KCNIP1: variants seen among roughly 807,000 people sequenced by gnomAD.
The protein encoded by KCNIP1 is potassium voltage-gated channel interacting protein 1, also known as A-type potassium channel modulatory protein KCNIP1.
KCNIP1 carries 18 observed loss-of-function variants against 33.0 expected under a neutral mutation model. The ratio of observed to expected loss-of-function variants is 0.55; its 90% confidence interval spans 0.38 to 0.81. The LOEUF (loss-of-function observed/expected upper bound fraction) is 0.81. KCNIP1 is among the 30% of genes least tolerant of loss of function. The pLI is 0.00. For missense variants in KCNIP1, 238 were observed against 271.6 expected, an observed-to-expected ratio of 0.88 and a Z score of 0.87; for synonymous variants, 93 against 98.3, an observed-to-expected ratio of 0.95 and a Z score of 0.32.
At chr5:170,721,416 G>C (rs1284994275) in intron 3 of KCNIP1, among the ~76,000 whole-genome samples, 1 of 152,212 alleles carries the variant, frequency 6.6e-6, no homozygotes, top group African/African-American at 2.4e-5. Context: ...GAAGCTCAGA[G>C]AGGTCGTGCT....
At chr5:170,634,333 G>A (rs1400972242) in intron 1 of KCNIP1, among the ~76,000 whole-genome samples, 5 of 152,142 alleles carry the variant, frequency 3.3e-5, no homozygotes, top group Non-Finnish European at 5.9e-5. Context: ...TTGTTAAACC[G>A]GATGGATGGG....
intron 1 of KCNIP1, among the ~76,000 whole-genome samples, chr5:170,429,500 G>A (rs1224601405): frequency 6.6e-6 from 1 of 152,038 alleles, no homozygotes; most frequent in Non-Finnish European, 1.5e-5. Context: ...GGGGACATCT[G>A]CAGTTTTGTC....
At chr5:170,641,849 T>C (rs778261184) in intron 1 of KCNIP1, among the ~76,000 whole-genome samples, 1 of 152,162 alleles carries the variant, frequency 6.6e-6, no homozygotes, top group Non-Finnish European at 1.5e-5. Context: ...TGCAGGGAGC[T>C]TCCCGGGACC....
chr5:170,625,729 T>A (rs764403822), intron 1 of KCNIP1, among the ~76,000 whole-genome samples: 129 of 152,206 alleles, frequency 8.5e-4, no homozygotes, highest in Admixed American at 2.0e-3. Context: ...CAAGCTTTAG[T>A]CAAAACCCAG....
At chr5:170,691,455 T>C (rs183396773) in intron 1 of KCNIP1, among the ~76,000 whole-genome samples, 22 of 152,352 alleles carry the variant, frequency 1.4e-4, no homozygotes, top group African/African-American at 5.3e-4. Flanking sequence ...TGCTGACTAA[T>C]GACTTTGGGC....
chr5:170,625,041 G>C (rs1759769459), intron 1 of KCNIP1, among the ~76,000 whole-genome samples: 1 of 152,024 alleles, frequency 6.6e-6, no homozygotes, highest in Non-Finnish European at 1.5e-5. Flanking sequence ...ATGCCCTCGT[G>C]AGCTGAGTTT....
intron 1 of KCNIP1, among the ~76,000 whole-genome samples, chr5:170,622,926 G>A (rs10070945): frequency 0.012 from 1,838 of 152,314 alleles, 42 homozygotes; most frequent in African/African-American, 0.042. Context: ...ATTTTTCCAC[G>A]GACAGGGTGT....
intron 1 of KCNIP1, among the ~76,000 whole-genome samples, chr5:170,529,671 A>G (rs950096378): frequency 3.3e-5 from 5 of 152,326 alleles, no homozygotes; most frequent in African/African-American, 9.6e-5. Flanking sequence ...CTCATTGTAC[A>G]TGGACCTTCT....
chr5:170,388,266 T>C (rs1006376079), intron 1 of KCNIP1, among the ~76,000 whole-genome samples: 6 of 152,222 alleles, frequency 3.9e-5, no homozygotes, highest in African/African-American at 1.4e-4. Context: ...TATAGAGTCA[T>C]GATAAATCCT....
intron 1 of KCNIP1, among the ~76,000 whole-genome samples, chr5:170,360,332 C>T (rs138097770): frequency 1.2e-3 from 180 of 152,332 alleles, no homozygotes; most frequent in Non-Finnish European, 1.1e-3. Flanking sequence ...ACCTGGGCTC[C>T]AACCCTGCCA....
chr5:170,673,495 C>T (rs567356103), intron 1 of KCNIP1, among the ~76,000 whole-genome samples: 4 of 152,300 alleles, frequency 2.6e-5, no homozygotes, highest in South Asian at 4.1e-4. Flanking sequence ...TGAAGCTTAG[C>T]GAGCTCAAGT....
At chr5:170,535,854 G>C (rs1032355670) in intron 1 of KCNIP1, among the ~76,000 whole-genome samples, 4 of 152,192 alleles carry the variant, frequency 2.6e-5, no homozygotes, top group African/African-American at 9.7e-5. Context: ...TCCAAGATCT[G>C]CAGCTCGGTG....
chr5:170,561,458 G>A lies in KCNIP1; in HGVS notation c.61+56825G>A, dbSNP rs111501996. 2.3e-3 allele frequency among the ~76,000 whole-genome samples: 353 copies of A among 152,346 alleles called. 1 individual carries two copies. The highest frequency in any genetic ancestry group is 3.8e-3 in the Non-Finnish European group (259 of 68,036). On this transcript the variant is annotated intron_variant, in intron 1 of 7. Coordinates refer to ENST00000328939, the MANE Select transcript of KCNIP1 (RefSeq NM_014592.4). ...GGTGCCAGGCCACCACCAAAGGCAC[G>A]TGGAAGGGGGCTGGGCAAATGGTGA...
intron 1 of KCNIP1, among the ~76,000 whole-genome samples, chr5:170,473,239 T>C (rs543573081): frequency 5.9e-5 from 9 of 152,358 alleles, no homozygotes; most frequent in African/African-American, 1.9e-4. Context: ...TTTCTGAGAA[T>C]TGTTTATAAT....
At chr5:170,585,016 T>C (rs1324899321) in intron 1 of KCNIP1, among the ~76,000 whole-genome samples, 3 of 152,000 alleles carry the variant, frequency 2.0e-5, no homozygotes, top group African/African-American at 7.3e-5. Context: ...CTAACAGCCC[T>C]AGGAAGTAGA....
intron 1 of KCNIP1, among the ~76,000 whole-genome samples, chr5:170,363,572 A>C (rs571225036): frequency 1.3e-5 from 2 of 152,224 alleles, no homozygotes; most frequent in African/African-American, 4.8e-5. Flanking sequence ...AGTGTCCAGA[A>C]CTGTGGGACA....
chr5:170,706,979 C>T (rs1187632659), intron 1 of KCNIP1, among the ~76,000 whole-genome samples: 1 of 152,114 alleles, frequency 6.6e-6, no homozygotes, highest in African/African-American at 2.4e-5. Context: ...ACTGGAACTT[C>T]AGGGTGGTGT....
At chr5:170,473,550 A>G (rs1161738527) in intron 1 of KCNIP1, among the ~76,000 whole-genome samples, 1 of 152,112 alleles carries the variant, frequency 6.6e-6, no homozygotes, top group Non-Finnish European at 1.5e-5. Flanking sequence ...AGTTTTTAAT[A>G]ATCAAAGCAA....
rs1755033254 is a variant in KCNIP1, at chr5:170,406,133, T to C, written c.88+52169T>C. ...ATAGTTACTATGTTTTCCTCCTAGA[T>C]AACAAGCTTCATTGAAGATTTTCTA... is the stretch of plus-strand genomic sequence containing the variant. On this transcript the variant is annotated intron_variant, in intron 1 of 7. Coordinates refer to the KCNIP1 transcript ENST00000377360. 2.0e-5 allele frequency among the ~76,000 whole-genome samples: 3 copies of C among 152,228 alleles called. No homozygotes were observed. In the South Asian group the frequency reaches 6.2e-4, roughly 31 times the overall value.
Sources: gnomAD v4.1 joint callset for allele counts (sites outside exome capture counted in the v4.1 genomes callset) on GRCh38, gnomAD v4.1.1 for gene constraint, MANE v1.5 for transcripts, NCBI Gene and HGNC (gene_info 2026-07-23, HGNC 2026-07-21) for gene names.